TBCA: variants seen among roughly 807,000 people sequenced by gnomAD.
TBCA encodes the protein tubulin folding cofactor A.
Under a neutral mutation model 15.8 loss-of-function variants are expected in TBCA, and 6 were observed. The ratio of observed to expected loss-of-function variants is 0.38; its 90% confidence interval spans 0.21 to 0.75. TBCA has a LOEUF of 0.75. TBCA is among the 30% of genes least tolerant of loss of function. The pLI, the probability that TBCA is intolerant of heterozygous loss-of-function variation, is 0.46. For missense variants in TBCA, 90 were observed against 131.2 expected (o/e 0.69, Z 1.53); for synonymous variants, 32 against 42.3 (o/e 0.76, Z 0.94).
At chr5:77,750,819 T>C (rs1022473380) in intron 1 of TBCA, among the ~76,000 whole-genome samples, 4 of 152,160 alleles carry the variant, frequency 2.6e-5, no homozygotes, top group Non-Finnish European at 5.9e-5. Context: ...GGAGACATAA[T>C]ACATTAGTCA....
At chr5:77,696,873 C>T (rs769839891) in intron 2 of TBCA, among the ~76,000 whole-genome samples, 6 of 152,240 alleles carry the variant, frequency 3.9e-5, no homozygotes, top group South Asian at 4.2e-4. Flanking sequence ...GAGCTATGAT[C>T]GTGACAATGT....
intron 1 of TBCA, among the ~76,000 whole-genome samples, chr5:77,716,137 TA>T (rs1255881587): frequency 1.3e-5 from 2 of 152,176 alleles, no homozygotes; most frequent in Non-Finnish European, 2.9e-5. Flanking sequence ...ACAATGTTTT[TA>T]AAAGAGTCAA....
chr5:77,738,865 G>A (rs1746970408), intron 1 of TBCA, among the ~76,000 whole-genome samples: 2 of 152,128 alleles, frequency 1.3e-5, no homozygotes, highest in African/African-American at 4.8e-5. Flanking sequence ...TTACAGGCGT[G>A]AGCCACTGCA....
At chr5:77,754,574 C>A (rs935925800) in intron 1 of TBCA, among the ~76,000 whole-genome samples, 2 of 152,150 alleles carry the variant, frequency 1.3e-5, no homozygotes, top group African/African-American at 2.4e-5. Flanking sequence ...AAAGTTATTT[C>A]CCTGTCAACC....
chr5:77,695,141 T>C (rs1437538822), intron 2 of TBCA, among the ~76,000 whole-genome samples: 1 of 152,150 alleles, frequency 6.6e-6, no homozygotes, highest in Non-Finnish European at 1.5e-5. Context: ...ACAATATGTG[T>C]TTGTAAAAAG....
chr5:77,736,371 A>G (rs1427348462), intron 1 of TBCA, among the ~76,000 whole-genome samples: 2 of 151,958 alleles, frequency 1.3e-5, no homozygotes, highest in Non-Finnish European at 2.9e-5. Flanking sequence ...CTGGAAAAAA[A>G]TCATGAAACG....
chr5:77,716,943 AAAGCTACAT>A (rs1357017162), intron 1 of TBCA, among the ~76,000 whole-genome samples: 1 of 152,206 alleles, frequency 6.6e-6, no homozygotes, highest in African/African-American at 2.4e-5. Flanking sequence ...AACTCTGGCC[AAAGCTACAT>A]AAGAGACATC....
At chr5:77,762,897 G>A (rs1282210485) in intron 1 of TBCA, among the ~76,000 whole-genome samples, 2 of 152,182 alleles carry the variant, frequency 1.3e-5, no homozygotes, top group Admixed American at 6.5e-5. Context: ...TGTGGGTCTG[G>A]AGCCTCACAC....
At chr5:77,749,304 G>A (rs752064618) in intron 1 of TBCA, among the ~76,000 whole-genome samples, 21 of 152,288 alleles carry the variant, frequency 1.4e-4, no homozygotes, top group Middle Eastern at 6.8e-3. Context: ...AGTACAGCAT[G>A]GACTACAGTT....
Position 77,708,358 on chromosome 5 carries a change from G to C in TBCA, c.54-11C>G. The C allele has an allele frequency of 6.4e-7, 1 of 1,565,930 alleles. No individual in the cohort carries two copies. The highest frequency in any genetic ancestry group is 8.8e-7 in the Non-Finnish European group (1 of 1,142,412). On this transcript the variant is annotated splice_polypyrimidine_tract_variant and intron_variant, in intron 1 of 3. Coordinates refer to ENST00000380377, the MANE Select transcript of TBCA (RefSeq NM_004607.3). ...TTTTCTTTGACCAACCTATAAAAAA[G>C]CCAAAAATGTTTTAGAAAATTAGCT...
At chr5:77,704,556 G>C (rs985262590) in intron 2 of TBCA, among the ~76,000 whole-genome samples, 4 of 152,128 alleles carry the variant, frequency 2.6e-5, no homozygotes, top group Non-Finnish European at 4.4e-5. Context: ...GCAGCACTTG[G>C]CTGTCTTGAT....
At chr5:77,737,579 A>T (rs537151361) in intron 1 of TBCA, among the ~76,000 whole-genome samples, 1 of 152,318 alleles carries the variant, frequency 6.6e-6, no homozygotes, top group South Asian at 2.1e-4. Context: ...TCCCTGTCTC[A>T]GGTTCATCGT....
At chr5:77,738,140 T>C (rs746227850) in intron 1 of TBCA, among the ~76,000 whole-genome samples, 8 of 152,242 alleles carry the variant, frequency 5.3e-5, no homozygotes, top group Non-Finnish European at 1.0e-4. Context: ...TCAATGTTTA[T>C]GCCTGTCTCA....
At chr5:77,743,833 A>T (rs897379422) in intron 1 of TBCA, among the ~76,000 whole-genome samples, 4 of 152,044 alleles carry the variant, frequency 2.6e-5, no homozygotes, top group Non-Finnish European at 4.4e-5. Context: ...CCATTTCACA[A>T]AGTTGTGCCA....
intron 3 of TBCA, 128 bp downstream of exon 3, chr5:77,693,138 C>T (rs919711627): frequency 4.6e-6 from 7 of 1,513,368 alleles, no homozygotes; most frequent in African/African-American, 2.8e-5. Context: ...TAAAATATAG[C>T]GGTATAAAGG....
chr5:77,766,305 C>A (rs1747775577), intron 1 of TBCA, among the ~76,000 whole-genome samples: 1 of 152,068 alleles, frequency 6.6e-6, no homozygotes, highest in African/African-American at 2.4e-5. Context: ...AAATTTTCCA[C>A]AATAGACTAG....
intron 2 of TBCA, among the ~76,000 whole-genome samples, chr5:77,700,870 T>G (rs995679121): frequency 1.3e-5 from 2 of 152,066 alleles, no homozygotes; most frequent in African/African-American, 2.4e-5. Flanking sequence ...GCATGCCACA[T>G]GTAGGAAAAT....
chr5:77,719,844 T>C lies in TBCA; in HGVS notation c.54-11497A>G, dbSNP rs913768492. On this transcript the variant is annotated intron_variant, in intron 1 of 3. Transcript: ENST00000380377. Reference sequence around the variant, plus strand: ...CTGAGATGTCAGTGAGATTAAAAAGTGCATACTACTGAAAGGGCTAAAGAC... The same window carrying C: ...CTGAGATGTCAGTGAGATTAAAAAGCGCATACTACTGAAAGGGCTAAAGAC... Among the ~76,000 whole-genome samples the C allele has an allele frequency of 5.3e-5, 8 of 152,094 alleles. 1 individual carries two copies. The highest frequency in any genetic ancestry group is 4.6e-4 in the Admixed American group (7 of 15,266).
intron 1 of TBCA, among the ~76,000 whole-genome samples, chr5:77,744,778 C>T (rs952904048): frequency 6.6e-6 from 1 of 152,190 alleles, no homozygotes; most frequent in South Asian, 2.1e-4. Context: ...TCAAGTGATC[C>T]ACCCGCTTCG....
Sources: allele counts gnomAD v4.1 joint callset (sites outside exome capture counted in the v4.1 genomes callset), GRCh38; gene constraint gnomAD v4.1.1; transcripts MANE v1.5; gene names NCBI Gene and HGNC (gene_info 2026-07-23, HGNC 2026-07-21).